PRC1: variants seen among roughly 807,000 people sequenced by gnomAD.
PRC1 encodes anaphase spindle elongation 1 homolog.
In PRC1, 54 loss-of-function variants were observed where a neutral mutation model predicts 91.2. The observed-to-expected ratio is 0.59, with a 90% CI of 0.48 to 0.74. PRC1 has a LOEUF of 0.74. PRC1 is among the 30% of genes least tolerant of loss of function. The pLI is 0.00. For missense variants in PRC1, 727 were observed against 746.2 expected, an observed-to-expected ratio of 0.97 and a Z score of 0.30; for synonymous variants, 275 against 263.6, an observed-to-expected ratio of 1.04 and a Z score of -0.42.
intron 3 of PRC1, chr15:90,982,473 G>C (rs2039273294): frequency 6.2e-6 from 1 of 160,402 alleles, no homozygotes; most frequent in Non-Finnish European, 1.4e-5. Context: ...TGGCAGCCAG[G>C]CACGGTGGCT....
chr15:90,979,147 T>C lies in PRC1; in HGVS notation c.1107+11A>G. The C allele has an allele frequency of 6.2e-7, 1 of 1,610,660 alleles. No individual in the cohort carries two copies. The highest frequency in any genetic ancestry group is 8.5e-7 in the Non-Finnish European group (1 of 1,178,868). Reference sequence around the variant, plus strand: ...TCTTAACAGTTAAAAACACAAAAACTAGGACAATACCTCAAACTCTAAGAA... The same window carrying C: ...TCTTAACAGTTAAAAACACAAAAACCAGGACAATACCTCAAACTCTAAGAA... On this transcript the variant is annotated intron_variant, in intron 8 of 14. Transcript: ENST00000394249.
rs762326337 is a variant in PRC1, at chr15:90,969,058, T to A, written c.1791+21A>T. 3.1e-6 allele frequency: 5 copies of A among 1,614,016 alleles called. No homozygotes were observed. In the South Asian group the frequency reaches 5.5e-5, roughly 18 times the overall value. ...GACAGATCAGTTTGGAAAAGGGACA[T>A]GCAGGGATTGCCATACAGACCTGAA... On this transcript the variant is annotated intron_variant, in intron 14 of 14. Coordinates refer to ENST00000394249, the MANE Select transcript of PRC1 (RefSeq NM_003981.4).
intron 12 of PRC1, 128 bp from the exon 13 acceptor site, chr15:90,969,751 T>C (rs2037897767): frequency 7.9e-6 from 2 of 252,534 alleles, no homozygotes; most frequent in Admixed American, 1.3e-4. Context: ...TACTTTTTAG[T>C]TAAAAAAAAA....
chr15:90,971,163 G>A (rs907159491), intron 11 of PRC1, among the ~76,000 whole-genome samples: 14 of 152,210 alleles, frequency 9.2e-5, no homozygotes, highest in African/African-American at 3.4e-4. Flanking sequence ...CAGGGAAGGA[G>A]GGAGGTAATA....
chr15:90,969,384 T>C (rs1305244526), intron 13 of PRC1, 63 bp downstream of exon 13: 16 of 1,522,160 alleles, frequency 1.1e-5, no homozygotes, highest in East Asian at 2.3e-5. Context: ...CCTGGGAAGA[T>C]ACCCACTCTG....
chr15:90,990,748 T>A (rs1006403147), intron 1 of PRC1, among the ~76,000 whole-genome samples: 1 of 152,184 alleles, frequency 6.6e-6, no homozygotes, highest in Non-Finnish European at 1.5e-5. Context: ...TAAAAACATC[T>A]TGGCACATAA....
Position 90,984,242 on chromosome 15 carries a change from T to C in PRC1, c.145-102A>G, listed in dbSNP as rs2039420375. On this transcript the variant is annotated intron_variant, in intron 2 of 14. Coordinates refer to ENST00000394249, the MANE Select transcript of PRC1 (RefSeq NM_003981.4). The surrounding 1 kb of genome is among the most constrained non-coding windows in gnomAD (Gnocchi z 5.1). ...AATTTCTTTTTTCTTTTTCTTTTTT[T>C]CTTTGAGATGGAGTCTCGCTCTGTT... 1 of 1,460,550 alleles carries C rather than the reference T, an allele frequency of 6.8e-7. No homozygotes were observed. 90.5% of individuals were successfully genotyped at this position (1,460,550 alleles called of 1,614,324 possible). A position where few individuals can be genotyped will look rare whatever the true frequency, so the allele number is the denominator to read the frequency against.
intron 14 of PRC1, chr15:90,968,640 A>C (rs2037758653): frequency 1.0e-6 from 1 of 1,004,276 alleles, no homozygotes; most frequent in Non-Finnish European, 1.2e-6. Flanking sequence ...CTAGCTGAGA[A>C]TAGAGCTGGC....
chr15:90,975,041 A>G (rs900009668), intron 9 of PRC1, among the ~76,000 whole-genome samples: 3 of 152,164 alleles, frequency 2.0e-5, no homozygotes, highest in Non-Finnish European at 2.9e-5. Context: ...TAGGAGCAGG[A>G]CTCTGAAATC....
intron 11 of PRC1, chr15:90,973,011 C>T (rs1335123213): frequency 6.6e-6 from 1 of 152,320 alleles, no homozygotes; most frequent in Non-Finnish European, 1.5e-5. Flanking sequence ...GTGACTGTCA[C>T]TATAGGCCGC....
chr15:90,983,836 C>CT, intron 3 of PRC1, 182 bp downstream of exon 3: 1 of 701,288 alleles, frequency 1.4e-6, no homozygotes, highest in Non-Finnish European at 2.2e-6. Context: ...ACCAGGGCAA[C>CT]TCTCTACAGA....
At chr15:90,982,046 C>A in intron 3 of PRC1, 65 bp from the exon 4 acceptor site, 1 of 1,464,384 alleles carries the variant, frequency 6.8e-7, no homozygotes, top group Non-Finnish European at 9.5e-7. Flanking sequence ...AAGAGAAGGA[C>A]AACATAAGAA....
In PRC1 at chr15:90,970,553, C is replaced by T. The variant is rs757858842; in HGVS notation, c.1462-39G>A. 4 of 1,392,182 alleles carry T rather than the reference C, an allele frequency of 2.9e-6. No homozygotes were observed. The Admixed American group carries it at 6.8e-5, about 24-fold the overall frequency. The allele number at this position is 1,392,182 out of a possible 1,614,324, so 86.2% of individuals were successfully genotyped here. Reference sequence around the variant, plus strand: ...CACGTGGGTAACTGATGTGCAGTAACATCCTCAGCATTTCTAGCAACCTGT... The same window carrying T: ...CACGTGGGTAACTGATGTGCAGTAATATCCTCAGCATTTCTAGCAACCTGT... On this transcript the variant is annotated intron_variant, in intron 11 of 14. Transcript: ENST00000394249.
At chr15:90,976,522 G>C (rs920618204) in intron 9 of PRC1, among the ~76,000 whole-genome samples, 154 bp downstream of exon 9, 1 of 152,108 alleles carries the variant, frequency 6.6e-6, no homozygotes, top group African/African-American at 2.4e-5. Flanking sequence ...AATACACCTT[G>C]ATATGGAGTT....
At chr15:90,987,150 G>A (rs1190317884) in intron 1 of PRC1, among the ~76,000 whole-genome samples, 3 of 151,166 alleles carry the variant, frequency 2.0e-5, no homozygotes, top group Middle Eastern at 3.4e-3. Context: ...GCACGGTGAC[G>A]TATGCCTATA....
At chr15:90,981,313 C>G (rs1015411019) in intron 5 of PRC1, 186 bp downstream of exon 5, 3 of 704,200 alleles carry the variant, frequency 4.3e-6, no homozygotes, top group Non-Finnish European at 6.8e-6. Context: ...TTTCTTGGAG[C>G]CATATAAAGG....
chr15:90,970,757 A>G (rs1279814978), intron 11 of PRC1, among the ~76,000 whole-genome samples: 1 of 152,250 alleles, frequency 6.6e-6, no homozygotes, highest in Non-Finnish European at 1.5e-5. Context: ...GGCACAAGAC[A>G]TCTAGCATAT....
Position 90,979,209 on chromosome 15 carries a change from AAAG to A in PRC1, c.1053_1055del (p.Phe352del). On this transcript the variant is annotated inframe_deletion, in exon 8 of 15. Coordinates refer to ENST00000394249, the MANE Select transcript of PRC1 (RefSeq NM_003981.4). ...TTTCTTCCCACTTCTGGACACCTTC[AAAG>A]AGTTCCTTGTGAACTTCATAGTAGT... 6.2e-7 allele frequency: 1 copy of A among 1,614,202 alleles called. No homozygotes were observed. The highest frequency in any genetic ancestry group is 1.3e-5 in the African/African-American group (1 of 75,068).
chr15:90,976,510 C>T (rs1037641697), intron 9 of PRC1, among the ~76,000 whole-genome samples, 166 bp downstream of exon 9: 1 of 152,086 alleles, frequency 6.6e-6, no homozygotes, highest in South Asian at 2.1e-4. Context: ...TCCTAGCAAA[C>T]GAATACACCT....
Sources: allele counts gnomAD v4.1 joint callset (sites outside exome capture counted in the v4.1 genomes callset), GRCh38; gene constraint gnomAD v4.1.1; non-coding constraint Gnocchi (gnomAD v3.1); transcripts MANE v1.5; gene names NCBI Gene and HGNC (gene_info 2026-07-23, HGNC 2026-07-21).